Variants in SHOX observed in about 807,000 individuals in gnomAD.
SHOX encodes the protein short stature homeobox protein.
In SHOX, 12 loss-of-function variants were observed where a neutral mutation model predicts 29.6. The observed-to-expected ratio is 0.41, with a 90% CI of 0.26 to 0.66. The LOEUF (loss-of-function observed/expected upper bound fraction) is 0.66, where lower values mean the gene tolerates loss of function less well. Ranked by LOEUF, SHOX falls within the 30% of genes least tolerant of loss-of-function variation. The pLI is 0.35. For synonymous variants in SHOX, 214 were observed against 200.6 expected (o/e 1.07, Z -0.57); for missense variants, 499 against 437.7 (o/e 1.14, Z -1.25).
At chrX:627,387 A>G (rs1311194234), upstream of SHOX, among the ~76,000 whole-genome samples, 1 of 152,132 alleles carries the variant, frequency 6.6e-6, no homozygotes, top group Admixed American at 6.5e-5. Context: ...CAGGGAGAGA[A>G]CGTAAAAGCT....
rs746868974 is a variant in SHOX, at chrX:648,889, C to CCCTTCTCCTTCCTTCCTTCCT, written c.*4253_*4254insCCTTCTCCTTCCTTCCTTCCT. Among the ~76,000 whole-genome samples the CCCTTCTCCTTCCTTCCTTCCT allele has an allele frequency of 1.4e-5, 2 of 141,852 alleles. No individual in the cohort carries two copies. The highest frequency in any genetic ancestry group is 5.3e-5 in the African/African-American group (2 of 37,600). The allele number at this position is 141,852 out of a possible 152,430, so 93.1% of individuals were successfully genotyped here. A position where few individuals can be genotyped will look rare whatever the true frequency, so the allele number is the denominator to read the frequency against. The stretch of plus-strand genomic sequence containing the variant: ...ACCAACGCCCTCTTCTCTCTCCCTT[C>CCCTTCTCCTTCCTTCCTTCCT]TCCTTCCTTCCTTCCTTCCTTTCTT... On this transcript the variant is annotated 3_prime_UTR_variant, in exon 5 of 5. Transcript: ENST00000686671.
intron 4 of SHOX, among the ~76,000 whole-genome samples, chrX:644,022 C>T (rs757250766): frequency 2.2e-4 from 14 of 64,398 alleles, no homozygotes; most frequent in African/African-American, 6.5e-4. Flanking sequence ...GACCTGGTGT[C>T]CCCGGGAGAG....
At chrX:627,001 C>T (rs766575173), upstream of SHOX, among the ~76,000 whole-genome samples, 232 of 151,842 alleles carry the variant, frequency 1.5e-3, 1 homozygote, top group African/African-American at 5.4e-3. Context: ...TCTCCTCTCT[C>T]TCTGTCTCTT....
At position 634,835 on chromosome X, in the gene SHOX, C is replaced by G. The variant is rs1569493706; in HGVS notation, c.486+9C>G. ...CCGAGGCGCGCGTGCAGGTAGGAAC[C>G]CGGGGGCGGGGGCGGGGGGCCCGGA... On this transcript the variant is annotated intron_variant, in intron 2 of 4. Transcript: ENST00000686671. 9.0e-6 allele frequency: 14 copies of G among 1,554,956 alleles called. No individual in the cohort carries two copies. The highest frequency in any genetic ancestry group is 1.2e-5 in the Non-Finnish European group (14 of 1,149,722).
intron 1 of SHOX, among the ~76,000 whole-genome samples, chrX:634,085 C>A (rs1343317252): frequency 6.6e-6 from 1 of 152,232 alleles, no homozygotes; most frequent in Non-Finnish European, 1.5e-5. Flanking sequence ...AGACGCGGTT[C>A]TGCTGTTCTG....
At chrX:632,041 C>A in intron 1 of SHOX, 1 of 454,388 alleles carries the variant, frequency 2.2e-6, no homozygotes, top group Non-Finnish European at 4.4e-6. Context: ...TTAAGGAACC[C>A]TTCATTATTA....
rs1404878720 is a variant in SHOX at position 651,526 on chromosome X, C to T, written c.*6890C>T. On this transcript the variant is annotated 3_prime_UTR_variant, in exon 5 of 5. Transcript: ENST00000686671. ...AACAGACTGTATTTTTGTGACGCCC[C>T]GTAGTATGAATGTACATCTTGTAAA... 2.9e-5 allele frequency: 11 copies of T among 385,408 alleles called. No homozygotes were observed. The East Asian group carries it at 3.7e-4, about 13-fold the overall frequency. 23.9% of individuals were successfully genotyped at this position (385,408 alleles called of 1,614,324 possible). A position where few individuals can be genotyped will look rare whatever the true frequency, so the allele number is the denominator to read the frequency against.
rs1474467814 is a variant in SHOX at position 651,305 on chromosome X, T to C, written c.*6669T>C. The C allele has an allele frequency of 4.4e-6, 2 of 455,762 alleles. No homozygotes were observed. The highest frequency in any genetic ancestry group is 4.7e-5 in the Admixed American group (2 of 42,522). 28.2% of individuals were successfully genotyped at this position (455,762 alleles called of 1,614,324 possible). The stretch of plus-strand genomic sequence containing the variant: ...AGATATTTTCAGGGATTGCTTCAGA[T>C]GAAAACAAATCACACACCGTTTCCC... On this transcript the variant is annotated 3_prime_UTR_variant, in exon 5 of 5. Transcript: ENST00000686671.
chrX:653,828 T>G (rs2053101040), downstream of SHOX, among the ~76,000 whole-genome samples: 1 of 152,016 alleles, frequency 6.6e-6, no homozygotes, highest in Admixed American at 6.6e-5. Flanking sequence ...GCAGACAATG[T>G]AGGGATTTAA....
downstream of SHOX, among the ~76,000 whole-genome samples, chrX:652,340 A>ATTTT (rs746162755): frequency 6.8e-4 from 92 of 135,154 alleles, 1 homozygote; most frequent in African/African-American, 1.7e-3. Context: ...AAAATGACAA[A>ATTTT]TTTTTTTTTT....
At chrX:653,420 T>G (rs1157915140), downstream of SHOX, among the ~76,000 whole-genome samples, 1 of 152,216 alleles carries the variant, frequency 6.6e-6, no homozygotes, top group East Asian at 1.9e-4. Flanking sequence ...TCAAATGGTT[T>G]GAGAGATCTT....
intron 1 of SHOX, 167 bp downstream of exon 1, chrX:631,341 A>C (rs1482521314): frequency 5.1e-6 from 2 of 394,706 alleles, no homozygotes; most frequent in Admixed American, 6.4e-5. Context: ...GGAAGGCAGG[A>C]GTGGACCCGA....
chrX:642,798 C>G (rs2052879401), intron 4 of SHOX, among the ~76,000 whole-genome samples: 1 of 148,604 alleles, frequency 6.7e-6, no homozygotes, highest in Non-Finnish European at 1.5e-5. Flanking sequence ...CCTGGTTTCT[C>G]TGGAAGAGGC....
At chrX:631,677 A>G (rs749710699) in intron 1 of SHOX, among the ~76,000 whole-genome samples, 1 of 152,114 alleles carries the variant, frequency 6.6e-6, no homozygotes, top group Non-Finnish European at 1.5e-5. Flanking sequence ...GATTACAGGC[A>G]TGCACCACCA....
chrX:658,036 G>A (rs1383641187), intron 5 of SHOX, among the ~76,000 whole-genome samples: 8 of 151,600 alleles, frequency 5.3e-5, no homozygotes, highest in South Asian at 2.1e-4. Flanking sequence ...GTGCAATGGC[G>A]TGATCTCGGC....
chrX:652,170 G>A (rs2053076471), downstream of SHOX, among the ~76,000 whole-genome samples: 1 of 152,182 alleles, frequency 6.6e-6, no homozygotes, highest in African/African-American at 2.4e-5. Context: ...TGATCCACCC[G>A]CGTCTGGGCC....
At chrX:635,039 A>C (rs973706055) in intron 2 of SHOX, among the ~76,000 whole-genome samples, 1 of 152,130 alleles carries the variant, frequency 6.6e-6, no homozygotes, top group East Asian at 1.9e-4. Flanking sequence ...CACCAACAGC[A>C]AACAAATATA....
chrX:640,937 G>T, intron 3 of SHOX, 59 bp downstream of exon 3: 2 of 1,613,342 alleles, frequency 1.2e-6, no homozygotes, highest in South Asian at 1.1e-5. Context: ...GAGGGATGGG[G>T]TCGACGAGGT....
intron 2 of SHOX, 134 bp from the exon 3 acceptor site, chrX:640,687 G>A (rs1324304092): frequency 2.2e-6 from 2 of 909,636 alleles, no homozygotes; most frequent in Non-Finnish European, 3.7e-6. Context: ...TAAGTGTCTG[G>A]GCGCCCACCA....
Sources: allele counts gnomAD v4.1 joint callset (sites outside exome capture counted in the v4.1 genomes callset), GRCh38; gene constraint gnomAD v4.1.1; transcripts MANE v1.5; gene names NCBI Gene and HGNC (gene_info 2026-07-23, HGNC 2026-07-21).